The following ZNF730 variants were observed in gnomAD, a reference collection of about 807,000 sequenced individuals.
ZNF730 encodes the protein zinc finger protein 730, also known as putative zinc finger protein 730.
Under a neutral mutation model 12.6 loss-of-function variants are expected in ZNF730, and 12 were observed. That is an observed-to-expected ratio of 0.95 (90% CI 0.61 to 1.54). The LOEUF (loss-of-function observed/expected upper bound fraction) is 1.54, where lower values mean the gene tolerates loss of function less well. ZNF730 is among the 40% of genes most tolerant of loss of function. The probability of loss-of-function intolerance (pLI) is 0.00; values close to 1 mark genes in which losing one functional copy is unlikely to be tolerated. For missense variants in ZNF730, 643 were observed against 583.5 expected (o/e 1.10, Z -1.05); for synonymous variants, 194 against 195.8 (o/e 0.99, Z 0.08).
At chr19:23,122,798 AT>A (rs1368171402) in intron 1 of ZNF730, among the ~76,000 whole-genome samples, 1 of 152,238 alleles carries the variant, frequency 6.6e-6, no homozygotes, top group African/African-American at 2.4e-5. Context: ...CCCTTTAGTC[AT>A]TTTAATATTG....
intron 1 of ZNF730, among the ~76,000 whole-genome samples, chr19:23,086,195 C>G (rs1292214403): frequency 6.6e-6 from 1 of 152,136 alleles, no homozygotes; most frequent in Non-Finnish European, 1.5e-5. Flanking sequence ...TTTCTTCTAG[C>G]TGCTGGATAT....
chr19:23,115,684 G>A (rs1970510158), upstream of ZNF730, among the ~76,000 whole-genome samples: 1 of 114,154 alleles, frequency 8.8e-6, no homozygotes, highest in African/African-American at 2.9e-5. Context: ...AGAAGCAGAA[G>A]CTCACCCCCA....
chr19:23,137,344 C>T (rs1038187824), intron 3 of ZNF730, among the ~76,000 whole-genome samples: 4 of 151,802 alleles, frequency 2.6e-5, no homozygotes, highest in Non-Finnish European at 4.4e-5. Context: ...TATTTTAGTG[C>T]TATTGTAAAT....
At chr19:23,105,297 A>G (rs917143343) in intron 1 of ZNF730, among the ~76,000 whole-genome samples, 3 of 151,816 alleles carry the variant, frequency 2.0e-5, no homozygotes, top group Non-Finnish European at 4.4e-5. Flanking sequence ...TTGTATTTTT[A>G]GTACAGACAG....
intron 3 of ZNF730, among the ~76,000 whole-genome samples, chr19:23,141,423 CAG>C (rs1970918366): frequency 1.3e-5 from 2 of 151,366 alleles, no homozygotes; most frequent in South Asian, 4.2e-4. Flanking sequence ...TTAAAATAAA[CAG>C]ACATGGTGTT....
chr19:23,124,150 G>A (rs1970634462), intron 1 of ZNF730: 1 of 152,216 alleles, frequency 6.6e-6, no homozygotes, highest in Non-Finnish European at 1.5e-5. Flanking sequence ...CAGCAGCTTT[G>A]AGCTGTGTGT....
intron 1 of ZNF730, among the ~76,000 whole-genome samples, chr19:23,090,516 G>T (rs1424858944): frequency 6.6e-6 from 1 of 152,138 alleles, no homozygotes; most frequent in Non-Finnish European, 1.5e-5. Flanking sequence ...CAGAAAATTT[G>T]CAGCCTGATG....
intron 1 of ZNF730, among the ~76,000 whole-genome samples, chr19:23,082,128 T>C (rs370703163): frequency 4.9e-4 from 74 of 152,242 alleles, no homozygotes; most frequent in African/African-American, 1.7e-3. Flanking sequence ...GAACTTACTC[T>C]TCTTCTTTAA....
chr19:23,126,655 C>T, intron 1 of ZNF730: 2 of 472,760 alleles, frequency 4.2e-6, no homozygotes, highest in African/African-American at 2.1e-5. Context: ...TCTGCCAGTT[C>T]CACTAGTTTT....
chr19:23,077,128 T>A (rs1969875811), intron 1 of ZNF730, among the ~76,000 whole-genome samples: 1 of 152,160 alleles, frequency 6.6e-6, no homozygotes, highest in Non-Finnish European at 1.5e-5. Flanking sequence ...AAGTGAAAGT[T>A]GAATGATGGG....
At chr19:23,134,045 C>A (rs770084591) in intron 1 of ZNF730, 35 bp from the exon 2 acceptor site, 92 of 1,609,756 alleles carry the variant, frequency 5.7e-5, no homozygotes, top group Non-Finnish European at 7.1e-5. Flanking sequence ...CCCAGGGGCA[C>A]TTGGTAAATA....
chr19:23,126,825 A>T (rs1483451791), intron 1 of ZNF730: 2 of 539,286 alleles, frequency 3.7e-6, no homozygotes, highest in East Asian at 5.0e-5. Context: ...ATCCAGTGCT[A>T]TATTAGCATT....
At chr19:23,131,705 G>C (rs1970744713) in intron 1 of ZNF730, among the ~76,000 whole-genome samples, 1 of 152,172 alleles carries the variant, frequency 6.6e-6, no homozygotes, top group Admixed American at 6.5e-5. Context: ...AGAAACATCA[G>C]CATTGATAGG....
rs1971012902 is a variant in ZNF730 at position 23,146,413 on chromosome 19, T to A, written c.1369T>A (p.Cys457Ser). ...AGAGAAACCCTATGAATGTGAAGAA[T>A]GTGGCAAAGCTTTTAACCGGTCCTC... ...TGEKPYECEE[C>S]GKAFNRSSTL... Residue 457 changes from cysteine (C) to serine (S), a missense_variant, in exon 4 of 4, where the codon TGT becomes AGT. By Grantham distance (112) the Cys-to-Ser change is moderately radical. Transcript: ENST00000597761. 6.2e-7 allele frequency: 1 copy of A among 1,613,300 alleles called. No individual in the cohort carries two copies. The highest frequency in any genetic ancestry group is 8.5e-7 in the Non-Finnish European group (1 of 1,179,858).
intron 1 of ZNF730, among the ~76,000 whole-genome samples, chr19:23,094,780 T>G (rs2145503195): frequency 6.6e-6 from 1 of 152,230 alleles, no homozygotes; most frequent in South Asian, 2.1e-4. Context: ...GGCCTATCTA[T>G]TTTTTTAGTA....
chr19:23,078,022 A>C (rs1289907377), intron 1 of ZNF730, among the ~76,000 whole-genome samples: 1 of 152,186 alleles, frequency 6.6e-6, no homozygotes, highest in Non-Finnish European at 1.5e-5. Flanking sequence ...ACCCAGGGAC[A>C]CAATACACTG....
chr19:23,087,412 A>T (rs751548132), intron 1 of ZNF730, among the ~76,000 whole-genome samples: 1 of 151,914 alleles, frequency 6.6e-6, no homozygotes, highest in African/African-American at 2.4e-5. Context: ...CGTCTCAAAG[A>T]AAAAAAAGAA....
chr19:23,128,557 C>A, intron 1 of ZNF730: 2 of 234,184 alleles, frequency 8.5e-6, no homozygotes, highest in South Asian at 1.6e-4. Flanking sequence ...AAACAATTTT[C>A]AATGAGGATT....
In ZNF730 at chr19:23,085,496, C is replaced by CTT. The variant is rs58871710; in HGVS notation, c.-94+10139_-94+10140dup. On this transcript the variant is annotated intron_variant, in intron 1 of 2. Coordinates refer to the ZNF730 transcript ENST00000593635. ...TACAGGCATGAGCCACCATGCCCGT[C>CTT]TTTTTTTTTTTTTTTTTTTTTTTTT... 4.6e-3 allele frequency among the ~76,000 whole-genome samples: 241 copies of CTT among 52,794 alleles called. 9 individuals are homozygous for CTT. Among genetic ancestry groups the CTT allele is most frequent in the East Asian group, 0.015 (19 of 1,276 alleles). 34.6% of individuals were successfully genotyped at this position (52,794 alleles called of 152,430 possible).
Sources: allele counts gnomAD v4.1 joint callset (sites outside exome capture counted in the v4.1 genomes callset), GRCh38; gene constraint gnomAD v4.1.1; transcripts MANE v1.5; gene names NCBI Gene and HGNC (gene_info 2026-07-23, HGNC 2026-07-21).